GADL1: variants seen among roughly 807,000 people sequenced by gnomAD.
GADL1 encodes the protein GAD like acidic amino acid decarboxylase 1.
Under a neutral mutation model 69.5 loss-of-function variants are expected in GADL1, and 71 were observed. The ratio of observed to expected loss-of-function variants is 1.02; its 90% CI spans 0.84 to 1.25. The LOEUF (loss-of-function observed/expected upper bound fraction) is 1.25. Ranked by LOEUF, GADL1 falls within the 50% of genes most tolerant of loss-of-function variation. The probability of loss-of-function intolerance (pLI) is 0.00; values close to 1 mark genes in which losing one functional copy is unlikely to be tolerated. For synonymous variants in GADL1, 254 were observed against 214.4 expected (o/e 1.18, Z -1.62); for missense variants, 737 against 631.8 (o/e 1.17, Z -1.79).
In GADL1 at chr3:30,727,208, C is replaced by T. The variant is rs557596783; in HGVS notation, c.*1034G>A. ...ATTTTTCTTAAAAAGCACCCCAGTT[C>T]AGGTATCTTGAATAAAGAAAATTAG... On this transcript the variant is annotated 3_prime_UTR_variant, in exon 15 of 15. Transcript: ENST00000282538. The T allele has an allele frequency of 3.6e-5, 5 of 140,834 alleles. No individual in the cohort carries two copies. The highest frequency in any genetic ancestry group is 1.1e-4 in the African/African-American group (4 of 36,826). The allele number at this position is 140,834 out of a possible 1,614,324, so 8.7% of individuals were successfully genotyped here.
chr3:30,751,938 G>A (rs1695830476), intron 14 of GADL1, among the ~76,000 whole-genome samples: 1 of 152,162 alleles, frequency 6.6e-6, no homozygotes, highest in Admixed American at 6.5e-5. Context: ...AATGGCAAAG[G>A]GTAATGAGGC....
intron 14 of GADL1, among the ~76,000 whole-genome samples, chr3:30,730,297 T>C (rs1470813558): frequency 6.6e-6 from 1 of 152,104 alleles, no homozygotes; most frequent in African/African-American, 2.4e-5. Context: ...AAAACAAAGA[T>C]AGATGAGTGC....
intron 14 of GADL1, among the ~76,000 whole-genome samples, chr3:30,751,479 A>G (rs111970350): frequency 2.0e-5 from 3 of 150,432 alleles, no homozygotes; most frequent in African/African-American, 7.3e-5. Context: ...CATTCCGAGA[A>G]CCTGGGTAAC....
rs561927233 is a variant in GADL1, at chr3:30,771,310, T to TA, written c.1392+6868dup. On this transcript the variant is annotated intron_variant, in intron 14 of 14. Coordinates refer to ENST00000282538, the MANE Select transcript of GADL1 (RefSeq NM_207359.3). ...CAGAATGGCATAAGAACAAAACTGA[T>TA]AACCATTAGAATGCATGACAAATTG... Among the ~76,000 whole-genome samples, 44 of 152,316 alleles carry TA rather than the reference T, an allele frequency of 2.9e-4. 1 individual carries two copies. The South Asian group carries it at 8.9e-3, about 31-fold the overall frequency.
chr3:30,737,805 A>G (rs1190057957), intron 14 of GADL1, among the ~76,000 whole-genome samples: 1 of 151,896 alleles, frequency 6.6e-6, no homozygotes, highest in Non-Finnish European at 1.5e-5. Flanking sequence ...AAAATCAGAC[A>G]TGCGCAAAAT....
chr3:30,783,204 G>C (rs567882173), intron 13 of GADL1, among the ~76,000 whole-genome samples: 1 of 152,104 alleles, frequency 6.6e-6, no homozygotes. Flanking sequence ...TCCTAGTGTA[G>C]ACCTTGAGAA....
chr3:30,805,666 G>A (rs78426984), intron 11 of GADL1, among the ~76,000 whole-genome samples: 2,059 of 149,956 alleles, frequency 0.014, 35 homozygotes, highest in African/African-American at 0.048. Flanking sequence ...CAGAATCTGC[G>A]GTCTCTTTTT....
chr3:30,861,540 G>T, intron 2 of GADL1, 53 bp downstream of exon 2: 1 of 1,336,036 alleles, frequency 7.5e-7, no homozygotes, highest in Non-Finnish European at 1.0e-6. Flanking sequence ...TACTGATTTG[G>T]GGAACATCTA....
At chr3:30,752,331 C>T (rs900918337) in intron 14 of GADL1, among the ~76,000 whole-genome samples, 2 of 152,150 alleles carry the variant, frequency 1.3e-5, no homozygotes, top group Admixed American at 6.6e-5. Flanking sequence ...ATCTCTCTTG[C>T]TGACAGTTAC....
chr3:30,729,596 AC>A (rs1375259765), intron 14 of GADL1, among the ~76,000 whole-genome samples: 1 of 152,176 alleles, frequency 6.6e-6, no homozygotes, highest in Non-Finnish European at 1.5e-5. Context: ...ATAATCCCAC[AC>A]CAGCCCAGTT....
rs1696794746 is a variant in GADL1 at position 30,786,559 on chromosome 3, C to T, written c.1251-153G>A. 2.0e-5 allele frequency among the ~76,000 whole-genome samples: 3 copies of T among 152,168 alleles called. No homozygotes were observed. The South Asian group carries it at 6.2e-4, about 32-fold the overall frequency. ...AGGCAGAGCTATGGATAGATAAATA[C>T]TCCAGACCTACTGTAATTTCCTTGG... On this transcript the variant is annotated intron_variant, in intron 12 of 14. Coordinates refer to ENST00000282538, the MANE Select transcript of GADL1 (RefSeq NM_207359.3).
At chr3:30,790,616 AAT>A (rs1355671417) in intron 12 of GADL1, among the ~76,000 whole-genome samples, 1 of 152,214 alleles carries the variant, frequency 6.6e-6, no homozygotes, top group Non-Finnish European at 1.5e-5. Flanking sequence ...TGGTGGTAAG[AAT>A]ATGATAGAAA....
intron 11 of GADL1, among the ~76,000 whole-genome samples, chr3:30,803,455 T>C (rs964786397): frequency 6.7e-6 from 1 of 150,222 alleles, no homozygotes; most frequent in South Asian, 2.1e-4. Context: ...CATGAAAGAT[T>C]AAAAATCCCC....
At chr3:30,733,301 A>G (rs1695491854) in intron 14 of GADL1, among the ~76,000 whole-genome samples, 1 of 152,222 alleles carries the variant, frequency 6.6e-6, no homozygotes, top group Non-Finnish European at 1.5e-5. Flanking sequence ...GGTGACACAG[A>G]TGGGTTGGGA....
chr3:30,869,438 T>C (rs1027642984), intron 1 of GADL1, among the ~76,000 whole-genome samples: 14 of 151,824 alleles, frequency 9.2e-5, no homozygotes, highest in African/African-American at 2.7e-4. Flanking sequence ...GAACAGAAGC[T>C]CTGAAGCTTT....
At chr3:30,768,303 C>T (rs1324904236) in intron 14 of GADL1, among the ~76,000 whole-genome samples, 1 of 151,978 alleles carries the variant, frequency 6.6e-6, no homozygotes, top group Non-Finnish European at 1.5e-5. Context: ...ACCTAAATGC[C>T]CCAAATTGAG....
intron 12 of GADL1, among the ~76,000 whole-genome samples, chr3:30,790,471 C>A (rs1696891748): frequency 1.3e-5 from 2 of 152,088 alleles, no homozygotes; most frequent in South Asian, 4.1e-4. Context: ...CACAAGCCCT[C>A]AATTTGTAAA....
chr3:30,888,866 C>A (rs1173480007), intron 1 of GADL1, among the ~76,000 whole-genome samples: 1 of 151,724 alleles, frequency 6.6e-6, no homozygotes, highest in Non-Finnish European at 1.5e-5. Context: ...TGTCAGAAAA[C>A]CAAAGAGGCA....
At chr3:30,869,631 T>C (rs1698452543) in intron 1 of GADL1, among the ~76,000 whole-genome samples, 1 of 147,528 alleles carries the variant, frequency 6.8e-6, no homozygotes, top group African/African-American at 2.5e-5. Flanking sequence ...TCTATTTTAT[T>C]TTATTTTTTT....
Sources: gnomAD v4.1 joint callset for allele counts (sites outside exome capture counted in the v4.1 genomes callset) on GRCh38, gnomAD v4.1.1 for gene constraint, MANE v1.5 for transcripts, NCBI Gene and HGNC (gene_info 2026-07-23, HGNC 2026-07-21) for gene names.